Variants in ARL14EPL observed in about 807,000 individuals in gnomAD.
The protein encoded by ARL14EPL is ARF like GTPase 14 effector protein like.
ARL14EPL carries 17 observed loss-of-function variants against 15.9 expected under a neutral mutation model. The observed-to-expected ratio is 1.07, with a 90% CI of 0.73 to 1.60. The LOEUF is 1.60. Ranked by LOEUF, ARL14EPL falls within the 40% of genes most tolerant of loss-of-function variation. The pLI, the probability that ARL14EPL is intolerant of heterozygous loss-of-function variation, is 0.00. For missense variants in ARL14EPL, 214 were observed against 185.9 expected (o/e 1.15, Z -0.88); for synonymous variants, 78 against 63.8 (o/e 1.22, Z -1.06).
chr5:116,050,736 C>T (rs2052195427), intron 1 of ARL14EPL, among the ~76,000 whole-genome samples: 1 of 151,136 alleles, frequency 6.6e-6, no homozygotes, highest in African/African-American at 2.4e-5. Flanking sequence ...CATTGCAGAC[C>T]AGCCCTGGAC....
chr5:116,058,698 T>C (rs2112684845), intron 3 of ARL14EPL, 27 bp from the exon 4 acceptor site: 1 of 1,527,242 alleles, frequency 6.5e-7, no homozygotes. Flanking sequence ...TGCACTGTCA[T>C]CTTAATGTCA....
intron 1 of ARL14EPL, among the ~76,000 whole-genome samples, chr5:116,039,149 C>T (rs1177384632): frequency 6.6e-6 from 1 of 152,100 alleles, no homozygotes; most frequent in Non-Finnish European, 1.5e-5. Context: ...GGAGTGTAAG[C>T]CTGGGGCAGA....
At position 116,053,511 on chromosome 5, in the gene ARL14EPL, C is replaced by A. The variant is rs1749444558; in HGVS notation, c.97-503C>A. Among the ~76,000 whole-genome samples the A allele has an allele frequency of 4.6e-5, 7 of 152,088 alleles. No homozygotes were observed. In the South Asian group the frequency reaches 1.4e-3, roughly 32 times the overall value. ...GGTGGCTGAGTTCTGAATTGGAGACCCCCCGCGTGGAGGCCAGTCCCGGGT... is the reference window on the plus strand; with the variant it reads ...GGTGGCTGAGTTCTGAATTGGAGACACCCCGCGTGGAGGCCAGTCCCGGGT... On this transcript the variant is annotated intron_variant, in intron 2 of 3. Transcript: ENST00000686077.
chr5:116,047,170 A>G (rs889952513), intron 1 of ARL14EPL, among the ~76,000 whole-genome samples: 1 of 152,226 alleles, frequency 6.6e-6, no homozygotes, highest in Non-Finnish European at 1.5e-5. Context: ...TAATATAGTG[A>G]CTTTCTTCAG....
intron 1 of ARL14EPL, among the ~76,000 whole-genome samples, chr5:116,046,229 G>A (rs947019711): frequency 1.3e-5 from 2 of 152,172 alleles, no homozygotes; most frequent in Non-Finnish European, 2.9e-5. Context: ...TACAGATAGT[G>A]TCCCTGAATA....
intron 3 of ARL14EPL, among the ~76,000 whole-genome samples, chr5:116,054,625 A>T (rs1749471701): frequency 6.6e-6 from 1 of 152,122 alleles, no homozygotes; most frequent in Admixed American, 6.5e-5. Context: ...AGGTCAGGAG[A>T]TCTAGACCAT....
chr5:116,045,010 A>C (rs1290063030), intron 1 of ARL14EPL, among the ~76,000 whole-genome samples: 1 of 152,286 alleles, frequency 6.6e-6, no homozygotes, highest in South Asian at 2.1e-4. Flanking sequence ...ATGAAGAAGC[A>C]GGGAGTAATA....
At chr5:116,036,193 G>A (rs1353887279) in intron 1 of ARL14EPL, among the ~76,000 whole-genome samples, 2 of 152,236 alleles carry the variant, frequency 1.3e-5, no homozygotes, top group Non-Finnish European at 2.9e-5. Flanking sequence ...GCAGAAGCTA[G>A]AATTTGAGAC....
chr5:116,051,992 A>T, intron 2 of ARL14EPL: 3 of 1,611,518 alleles, frequency 1.9e-6, no homozygotes, highest in East Asian at 4.5e-5. Flanking sequence ...CTTTGAAACC[A>T]GTTTGATAAG....
At chr5:116,054,972 G>T (rs1749480928) in intron 3 of ARL14EPL, among the ~76,000 whole-genome samples, 1 of 151,852 alleles carries the variant, frequency 6.6e-6, no homozygotes, top group South Asian at 2.1e-4. Context: ...CATAAAGTAG[G>T]AGAAGTTATT....
intron 1 of ARL14EPL, among the ~76,000 whole-genome samples, chr5:116,032,822 G>A (rs187209189): frequency 1.5e-3 from 228 of 152,134 alleles, no homozygotes; most frequent in African/African-American, 5.2e-3. Context: ...TTTGAAACAG[G>A]GTGTCAGTCT....
chr5:116,059,114 TTCTTAACTGTG>T lies in ARL14EPL; in HGVS notation c.*170_*180del, dbSNP rs1246682213. 1 of 656,968 alleles carries T rather than the reference TTCTTAACTGTG, an allele frequency of 1.5e-6. No homozygotes were observed. Among genetic ancestry groups the T allele is most frequent in the African/African-American group, 1.8e-5 (1 of 54,996 alleles). The allele number at this position is 656,968 out of a possible 1,614,324, so 40.7% of individuals were successfully genotyped here. ...TAGAATGGGCAATAATTCTGTAACC[TTCTTAACTGTG>T]TCAACAATTTTCAAGTCCCTTAACT... is the stretch of plus-strand genomic sequence containing the variant. On this transcript the variant is annotated 3_prime_UTR_variant, in exon 4 of 4. Transcript: ENST00000686077.
intron 1 of ARL14EPL, among the ~76,000 whole-genome samples, chr5:116,049,520 T>C (rs912839595): frequency 4.6e-5 from 7 of 152,236 alleles, no homozygotes; most frequent in Admixed American, 1.3e-4. Flanking sequence ...AATCAGGAAG[T>C]ACCTGTGCAG....
chr5:116,040,532 A>G (rs910607796), intron 1 of ARL14EPL, among the ~76,000 whole-genome samples: 3 of 151,618 alleles, frequency 2.0e-5, no homozygotes, highest in Non-Finnish European at 4.4e-5. Flanking sequence ...GACGTAGTGG[A>G]CGATATTAGT....
chr5:116,054,779 C>T (rs906260062), intron 3 of ARL14EPL, among the ~76,000 whole-genome samples: 9 of 151,630 alleles, frequency 5.9e-5, no homozygotes, highest in Admixed American at 1.3e-4. Context: ...TGCAGTGAGC[C>T]GAAACCATGC....
intron 2 of ARL14EPL, chr5:116,051,831 A>G (rs1468499161): frequency 2.0e-6 from 2 of 1,007,774 alleles, no homozygotes; most frequent in Non-Finnish European, 2.9e-6. Context: ...GAGAATATAT[A>G]CAAACGTTTT....
chr5:116,034,972 G>A (rs539180665), intron 1 of ARL14EPL, among the ~76,000 whole-genome samples: 43 of 152,270 alleles, frequency 2.8e-4, no homozygotes, highest in Admixed American at 7.8e-4. Flanking sequence ...TTGGATGAAG[G>A]AGTATAAGAT....
intron 1 of ARL14EPL, among the ~76,000 whole-genome samples, chr5:116,033,588 C>A (rs750579526): frequency 4.0e-5 from 6 of 151,452 alleles, no homozygotes; most frequent in African/African-American, 7.3e-5. Context: ...TTGGGTGGTA[C>A]AACATGACTT....
Position 116,051,527 on chromosome 5 carries a change from C to A in ARL14EPL, c.62C>A (p.Pro21His). Residue 21 changes from proline to histidine, a missense_variant, in exon 2 of 4, where the codon CCT becomes CAT. Coordinates refer to ENST00000686077, the MANE Select transcript of ARL14EPL (RefSeq NM_001195581.2). ...IQERHTDHSF[P>H]EKNCQIGQKQ... is the part of the protein sequence containing the mutation. ...GAGAGACACACAGATCATAGTTTTC[C>A]TGAGAAGAACTGTCAAATTGGACAG... 1 of 1,535,256 alleles carries A rather than the reference C, an allele frequency of 6.5e-7. No individual in the cohort carries two copies. The highest frequency in any genetic ancestry group is 8.7e-7 in the Non-Finnish European group (1 of 1,146,150).
Sources: gnomAD v4.1 joint callset for allele counts (sites outside exome capture counted in the v4.1 genomes callset) on GRCh38, gnomAD v4.1.1 for gene constraint, MANE v1.5 for transcripts, NCBI Gene and HGNC (gene_info 2026-07-23, HGNC 2026-07-21) for gene names.